The following ARHGAP15 variants were observed in gnomAD, a reference collection of about 807,000 sequenced individuals.
The protein encoded by ARHGAP15 is rho GTPase-activating protein 15.
A neutral mutation model predicts 63.7 loss-of-function variants in ARHGAP15; 51 were observed. That is an observed-to-expected ratio of 0.80 (90% CI 0.64 to 1.01). The LOEUF is 1.01. Among genes scored for constraint, ARHGAP15 ranks in the 50% least tolerant of loss-of-function variants. The probability of loss-of-function intolerance (pLI) is 0.00; values close to 1 mark genes in which losing one functional copy is unlikely to be tolerated. For synonymous variants in ARHGAP15, 191 were observed against 193.8 expected (o/e 0.99, Z 0.12); for missense variants, 560 against 564.6 (o/e 0.99, Z 0.08).
rs138987041 is a variant in ARHGAP15, at chr2:143,286,303, CAG to C, written c.474+35706_474+35707del. 4.6e-3 allele frequency among the ~76,000 whole-genome samples: 697 copies of C among 152,270 alleles called. 19 individuals carry two copies. Among genetic ancestry groups the C allele is most frequent in the Admixed American group, 0.032 (494 of 15,288 alleles). ...AAGCTCTGGTTCTCTGAATGCCAGC[CAG>C]AGTGTTATTTCTAACAGACCACAGT... On this transcript the variant is annotated intron_variant, in intron 6 of 13. Coordinates refer to ENST00000295095, the MANE Select transcript of ARHGAP15 (RefSeq NM_018460.4).
chr2:143,743,426 G>A (rs918321705), intron 13 of ARHGAP15, among the ~76,000 whole-genome samples: 2 of 152,208 alleles, frequency 1.3e-5, no homozygotes, highest in African/African-American at 4.8e-5. Flanking sequence ...CATGTGTAGG[G>A]AAGGCCCTAC....
At chr2:143,175,529 A>C (rs1451185189) in intron 2 of ARHGAP15, among the ~76,000 whole-genome samples, 2 of 152,148 alleles carry the variant, frequency 1.3e-5, no homozygotes, top group Non-Finnish European at 2.9e-5. Context: ...TTCCCTGAGG[A>C]GGCAAATGCC....
At chr2:143,334,164 A>C (rs1354869161) in intron 6 of ARHGAP15, among the ~76,000 whole-genome samples, 1 of 152,166 alleles carries the variant, frequency 6.6e-6, no homozygotes, top group African/African-American at 2.4e-5. Context: ...GAACTGAATT[A>C]ATCTAGAAAA....
chr2:143,426,598 G>A (rs575690341), intron 6 of ARHGAP15, among the ~76,000 whole-genome samples: 19 of 152,238 alleles, frequency 1.2e-4, no homozygotes, highest in East Asian at 9.7e-4. Flanking sequence ...CTTTGGCAAA[G>A]TGTCGGAAAC....
intron 6 of ARHGAP15, among the ~76,000 whole-genome samples, chr2:143,340,638 T>C (rs887419648): frequency 3.3e-5 from 5 of 151,976 alleles, no homozygotes; most frequent in African/African-American, 1.2e-4. Context: ...AACTTCTAAA[T>C]TGGAAAACTC....
chr2:143,612,000 T>C (rs919500124), intron 11 of ARHGAP15, among the ~76,000 whole-genome samples: 7 of 152,206 alleles, frequency 4.6e-5, no homozygotes, highest in African/African-American at 1.7e-4. Context: ...AATTTGCATA[T>C]TCCTACTTCT....
At chr2:143,413,966 T>TGTGTGCGCGCGCGCGCGC in intron 6 of ARHGAP15, among the ~76,000 whole-genome samples, 140 of 117,918 alleles carry the variant, frequency 1.2e-3, no homozygotes, top group African/African-American at 2.3e-3. Flanking sequence ...TGTGTGTGTG[T>TGTGTGCGCGCGCGCGCGC]GCGCGCTCTC....
Position 143,292,668 on chromosome 2 carries a change from A to G in ARHGAP15, c.474+42068A>G, listed in dbSNP as rs377523955. On this transcript the variant is annotated intron_variant, in intron 6 of 13. Coordinates refer to ENST00000295095, the MANE Select transcript of ARHGAP15 (RefSeq NM_018460.4). ...TTGATTTTTTTCATAAATCACTTCC[A>G]AAGTAATTTTTAAGAAAATCTTATT... 4.3e-4 allele frequency among the ~76,000 whole-genome samples: 66 copies of G among 152,184 alleles called. 1 individual carries two copies. In the South Asian group the frequency reaches 0.013, roughly 30 times the overall value.
chr2:143,531,162 A>AT, intron 10 of ARHGAP15, among the ~76,000 whole-genome samples: 1 of 151,892 alleles, frequency 6.6e-6, no homozygotes, highest in Middle Eastern at 3.4e-3. Flanking sequence ...GGTAGCTTTA[A>AT]TATCCTAACT....
chr2:143,669,060 C>T (rs1393697411), intron 12 of ARHGAP15, among the ~76,000 whole-genome samples: 1 of 152,160 alleles, frequency 6.6e-6, no homozygotes, highest in Non-Finnish European at 1.5e-5. Flanking sequence ...GAGCTTAAAC[C>T]TTAAAACCTT....
chr2:143,437,789 G>A (rs1689679171), intron 8 of ARHGAP15, among the ~76,000 whole-genome samples: 1 of 152,146 alleles, frequency 6.6e-6, no homozygotes, highest in African/African-American at 2.4e-5. Context: ...ACTTTGGGAG[G>A]CTGAGGTGGG....
chr2:143,742,816 G>T (rs1444460651), intron 13 of ARHGAP15, among the ~76,000 whole-genome samples: 1 of 152,214 alleles, frequency 6.6e-6, no homozygotes, highest in Non-Finnish European at 1.5e-5. Context: ...GCAAGTGTGG[G>T]AAGCCCATGC....
At chr2:143,255,376 G>A (rs921393115) in intron 6 of ARHGAP15, among the ~76,000 whole-genome samples, 10 of 151,814 alleles carry the variant, frequency 6.6e-5, no homozygotes, top group African/African-American at 2.2e-4. Flanking sequence ...AATAGATCTC[G>A]GGGGACAGAT....
intron 8 of ARHGAP15, among the ~76,000 whole-genome samples, chr2:143,454,873 C>G (rs577713461): frequency 6.6e-6 from 1 of 152,032 alleles, no homozygotes; most frequent in African/African-American, 2.4e-5. Flanking sequence ...GAACTCAGTT[C>G]ACACATTCAC....
At chr2:143,290,579 T>C (rs1203730185) in intron 6 of ARHGAP15, among the ~76,000 whole-genome samples, 1 of 152,074 alleles carries the variant, frequency 6.6e-6, no homozygotes, top group African/African-American at 2.4e-5. Context: ...AACTTTTTTT[T>C]AACATTACAC....
chr2:143,286,356 C>T (rs916128643), intron 6 of ARHGAP15, among the ~76,000 whole-genome samples: 3 of 152,014 alleles, frequency 2.0e-5, no homozygotes, highest in Admixed American at 6.6e-5. Flanking sequence ...CTGATCAGAT[C>T]CGTTTTTCCT....
intron 6 of ARHGAP15, among the ~76,000 whole-genome samples, chr2:143,405,853 T>C (rs920073350): frequency 3.9e-5 from 6 of 151,904 alleles, no homozygotes; most frequent in African/African-American, 1.4e-4. Flanking sequence ...TGTTTTGCTC[T>C]AATAAGTGAC....
chr2:143,367,115 A>G (rs943246494), intron 6 of ARHGAP15, among the ~76,000 whole-genome samples: 12 of 152,092 alleles, frequency 7.9e-5, no homozygotes, highest in Non-Finnish European at 1.5e-4. Context: ...AATTGATTAG[A>G]CATTACATAA....
At chr2:143,393,039 C>G (rs1469873875) in intron 6 of ARHGAP15, among the ~76,000 whole-genome samples, 1 of 152,092 alleles carries the variant, frequency 6.6e-6, no homozygotes, top group Non-Finnish European at 1.5e-5. Flanking sequence ...TTTTTCCCCT[C>G]TTTTATAAAA....
Sources: allele counts gnomAD v4.1 joint callset (sites outside exome capture counted in the v4.1 genomes callset), GRCh38; gene constraint gnomAD v4.1.1; transcripts MANE v1.5; gene names NCBI Gene and HGNC (gene_info 2026-07-23, HGNC 2026-07-21).